The following TSG101 variants were observed in gnomAD, a reference collection of about 807,000 sequenced individuals.
The protein encoded by TSG101 is tumor susceptibility 101.
A neutral mutation model predicts 48.5 loss-of-function variants in TSG101; 19 were observed. The observed-to-expected ratio is 0.39, with a 90% CI of 0.27 to 0.58. The LOEUF is 0.58. TSG101 is among the 20% of genes least tolerant of loss of function. The pLI is 0.55. For synonymous variants in TSG101, 174 were observed against 169.4 expected (o/e 1.03, Z -0.21); for missense variants, 365 against 484.4 (o/e 0.75, Z 2.31).
chr11:18,519,986 G>A (rs1394205115), intron 1 of TSG101, among the ~76,000 whole-genome samples: 9 of 152,060 alleles, frequency 5.9e-5, no homozygotes, highest in Non-Finnish European at 1.3e-4. Context: ...TACATTTGGA[G>A]TTGTGTAACC....
At position 18,485,360 on chromosome 11, in the gene TSG101, T is replaced by A. The variant is rs974841593; in HGVS notation, c.641-1288A>T. Among the ~76,000 whole-genome samples the A allele has an allele frequency of 3.7e-4, 57 of 152,192 alleles. 3 individuals are homozygous for A. Among genetic ancestry groups the A allele is most frequent in the Admixed American group, 3.7e-3 (57 of 15,284 alleles). On this transcript the variant is annotated intron_variant, in intron 7 of 9. Coordinates refer to ENST00000251968, the MANE Select transcript of TSG101 (RefSeq NM_006292.4). Reference sequence around the variant, plus strand: ...CTCTCTCTTAACAGTTATCACTATATTTATTAGTTTAATAACCTATTTTCT... The same window carrying A: ...CTCTCTCTTAACAGTTATCACTATAATTATTAGTTTAATAACCTATTTTCT...
chr11:18,513,426 G>A (rs965435403), intron 4 of TSG101, among the ~76,000 whole-genome samples: 1 of 152,010 alleles, frequency 6.6e-6, no homozygotes, highest in African/African-American at 2.4e-5. Flanking sequence ...CTCCTGAGTA[G>A]CTGGGGTCAC....
At chr11:18,514,583 T>C (rs1213949508) in intron 4 of TSG101, 95 bp downstream of exon 4, 1 of 1,051,424 alleles carries the variant, frequency 9.5e-7, no homozygotes, top group Non-Finnish European at 1.3e-6. Flanking sequence ...TTATCTATCC[T>C]ACCTCGAATC....
At chr11:18,506,190 A>C (rs937252576) in intron 6 of TSG101, among the ~76,000 whole-genome samples, 1 of 152,078 alleles carries the variant, frequency 6.6e-6, no homozygotes, top group African/African-American at 2.4e-5. Flanking sequence ...CAATCTACAG[A>C]AAAGCAGCTC....
At chr11:18,494,272 C>G (rs544378863) in intron 7 of TSG101, among the ~76,000 whole-genome samples, 41 of 151,910 alleles carry the variant, frequency 2.7e-4, no homozygotes, top group South Asian at 4.2e-4. Context: ...GCACAAAAGC[C>G]AATAAATCTG....
rs1267249517 is a variant in TSG101, at chr11:18,509,612, A to C, written c.411T>G (p.Asp137Glu). 6.2e-7 allele frequency: 1 copy of C among 1,613,984 alleles called. No individual in the cohort carries two copies. The highest frequency in any genetic ancestry group is 1.1e-5 in the South Asian group (1 of 91,060). ...TAGGACGAGAGAAGACTGGAGGTTC[A>C]TCTCCAAATACCACAATCATGACCT... ...LIQVMIVVFG[D>E]EPPVFSRPIS... is the part of the protein sequence containing the mutation. Residue 137 changes from aspartate to glutamate, a missense_variant, in exon 5 of 10, where the codon GAT (aspartate) becomes GAG (glutamate). By Grantham distance (45) the Asp-to-Glu change is conservative. Transcript: ENST00000251968.
At chr11:18,501,485 A>G (rs939951356) in intron 7 of TSG101, among the ~76,000 whole-genome samples, 1 of 152,204 alleles carries the variant, frequency 6.6e-6, no homozygotes, top group African/African-American at 2.4e-5. Flanking sequence ...CTGTTTTTAT[A>G]CCAATACCAT....
intron 7 of TSG101, 75 bp downstream of exon 7, chr11:18,502,411 A>G: frequency 1.6e-6 from 2 of 1,218,052 alleles, no homozygotes; most frequent in African/African-American, 1.5e-5. Flanking sequence ...AAAATTCACA[A>G]GTGAAATGTG....
At chr11:18,515,826 T>C (rs891279239) in intron 3 of TSG101, among the ~76,000 whole-genome samples, 1 of 152,236 alleles carries the variant, frequency 6.6e-6, no homozygotes, top group Admixed American at 6.5e-5. Flanking sequence ...GTAAGATCCA[T>C]TTCTAGTTCT....
intron 4 of TSG101, among the ~76,000 whole-genome samples, chr11:18,513,715 G>A (rs192620210): frequency 1.0e-3 from 157 of 152,300 alleles, no homozygotes; most frequent in Middle Eastern, 0.01. Context: ...TAGAGACTCT[G>A]CAGGTTTCTC....
chr11:18,505,332 T>C (rs182344743), intron 6 of TSG101, among the ~76,000 whole-genome samples: 2 of 151,808 alleles, frequency 1.3e-5, no homozygotes, highest in Admixed American at 6.6e-5. Context: ...TTACGGCTCA[T>C]TGCATCCTCG....
chr11:18,484,550 T>C (rs1849591246), intron 7 of TSG101, among the ~76,000 whole-genome samples: 1 of 152,238 alleles, frequency 6.6e-6, no homozygotes, highest in Admixed American at 6.5e-5. Flanking sequence ...TACAGGTTAA[T>C]AAGGCTTCCC....
At chr11:18,518,415 A>G (rs987595385) in intron 2 of TSG101, among the ~76,000 whole-genome samples, 2 of 152,226 alleles carry the variant, frequency 1.3e-5, no homozygotes, top group African/African-American at 2.4e-5. Flanking sequence ...ATGGACAAGC[A>G]GCAGCATGGG....
intron 7 of TSG101, among the ~76,000 whole-genome samples, chr11:18,488,162 A>G (rs1465923697): frequency 6.6e-6 from 1 of 152,246 alleles, no homozygotes; most frequent in Non-Finnish European, 1.5e-5. Flanking sequence ...AAACAGGCTT[A>G]GCTCCACATT....
chr11:18,481,848 C>A lies in TSG101; in HGVS notation c.865G>T (p.Glu289Ter). The change falls in exon 9 of 10, where the codon GAA (glutamate) becomes TAA (stop). Residue 289 changes from glutamate to a stop codon, truncating the protein, a stop_gained. Transcript: ENST00000251968. LOFTEE classifies it high-confidence loss of function. The stretch of plus-strand genomic sequence containing the variant: ...TCTTCATCCTTCTTTTTCAAAAGTT[C>A]TATGTTTTTATCAACCTCGGCCTGA... ...QEVAEVDKNI[E>*]LLKKKDEELS... The A allele has an allele frequency of 6.2e-7, 1 of 1,613,402 alleles. No homozygotes were observed. The highest frequency in any genetic ancestry group is 1.1e-5 in the South Asian group (1 of 91,030).
At chr11:18,503,545 T>C (rs1462821445) in intron 6 of TSG101, among the ~76,000 whole-genome samples, 1 of 151,996 alleles carries the variant, frequency 6.6e-6, no homozygotes, top group African/African-American at 2.4e-5. Flanking sequence ...GCTAATTTTT[T>C]GTATTTTTAG....
At position 18,502,527 on chromosome 11, in the gene TSG101, G is replaced by A; in HGVS notation, c.599C>T (p.Thr200Ile). 3 of 1,613,380 alleles carry A rather than the reference G, an allele frequency of 1.9e-6. No individual in the cohort carries two copies. Among genetic ancestry groups the A allele is most frequent in the Non-Finnish European group, 2.5e-6 (3 of 1,179,704 alleles). Residue 200 changes from threonine to isoleucine, a missense_variant, in exon 7 of 10, where the codon ACA becomes ATA. Physicochemically the swap from Thr to Ile is moderately conservative, Grantham distance 89. Transcript: ENST00000251968. ...YPPGGPYPAT[T>I]SSQYPSQPPV... ...AGGCTGAGAAGGGTACTGAGAACTTGTTGTGGCAGGATATGGACCACCAGG... is the reference window on the plus strand; with the variant it reads ...AGGCTGAGAAGGGTACTGAGAACTTATTGTGGCAGGATATGGACCACCAGG...
intron 2 of TSG101, among the ~76,000 whole-genome samples, chr11:18,518,698 A>G (rs964523110): frequency 3.9e-5 from 6 of 152,078 alleles, no homozygotes; most frequent in African/African-American, 9.7e-5. Flanking sequence ...TGAAAATATA[A>G]AGAGACACTA....
Position 18,505,499 on chromosome 11 carries a change from T to C in TSG101, c.548+1358A>G, listed in dbSNP as rs570325253. Among the ~76,000 whole-genome samples the C allele has an allele frequency of 4.6e-5, 7 of 152,110 alleles. No individual in the cohort carries two copies. In the East Asian group the frequency reaches 9.7e-4, roughly 21 times the overall value. On this transcript the variant is annotated intron_variant, in intron 6 of 9. Transcript: ENST00000251968. ...CCAACTTCTGGGCTCAAGCAATCCCTACCTCGGCCTCCCAAAGTGCTGGGT... is the reference window on the plus strand; with the variant it reads ...CCAACTTCTGGGCTCAAGCAATCCCCACCTCGGCCTCCCAAAGTGCTGGGT...
Sources: allele counts gnomAD v4.1 joint callset (sites outside exome capture counted in the v4.1 genomes callset), GRCh38; gene constraint gnomAD v4.1.1; transcripts MANE v1.5; gene names NCBI Gene and HGNC (gene_info 2026-07-23, HGNC 2026-07-21).